The following FMN1 variants were observed in gnomAD, a reference collection of about 807,000 sequenced individuals.
FMN1 encodes the protein formin-1.
Under a neutral mutation model 132.4 loss-of-function variants are expected in FMN1, and 110 were observed. The ratio of observed to expected loss-of-function variants is 0.83; its 90% CI spans 0.71 to 0.97. The LOEUF is 0.97. Among genes scored for constraint, FMN1 ranks in the 50% least tolerant of loss-of-function variants. FMN1 has a pLI of 0.00. For missense variants in FMN1, 1,792 were observed against 1,705.3 expected (o/e 1.05, Z -0.90); for synonymous variants, 722 against 651.7 (o/e 1.11, Z -1.64).
chr15:33,055,623 CAAAAA>C (rs930464527), intron 6 of FMN1, among the ~76,000 whole-genome samples: 1 of 148,900 alleles, frequency 6.7e-6, no homozygotes, highest in African/African-American at 2.5e-5. Flanking sequence ...AAAAAACAAA[CAAAAA>C]AATCAACGCC....
chr15:33,088,538 G>A (rs1483497141), intron 5 of FMN1, among the ~76,000 whole-genome samples: 1 of 152,152 alleles, frequency 6.6e-6, no homozygotes, highest in Non-Finnish European at 1.5e-5. Context: ...AGGCTGCAAA[G>A]CTAATGAACA....
intron 9 of FMN1, among the ~76,000 whole-genome samples, chr15:32,932,201 C>T (rs2061137768): frequency 6.6e-6 from 1 of 152,076 alleles, no homozygotes; most frequent in Non-Finnish European, 1.5e-5. Flanking sequence ...GAGTTAGAGA[C>T]CAGCCTGGCC....
At chr15:32,915,521 A>G (rs1224335821) in intron 10 of FMN1, among the ~76,000 whole-genome samples, 1 of 152,202 alleles carries the variant, frequency 6.6e-6, no homozygotes, top group African/African-American at 2.4e-5. Flanking sequence ...GAAAACACTC[A>G]CTTTCTGTCT....
intron 4 of FMN1, among the ~76,000 whole-genome samples, chr15:33,117,583 G>A (rs12916976): frequency 0.1 from 15,322 of 152,194 alleles, 850 homozygotes; most frequent in Middle Eastern, 0.16. Context: ...TAAACTTACG[G>A]AGTCCACTTC....
intron 17 of FMN1, among the ~76,000 whole-genome samples, chr15:32,805,856 CTT>C (rs151126065): frequency 0.025 from 3,834 of 152,242 alleles, 168 homozygotes; most frequent in African/African-American, 0.087. Flanking sequence ...CCCATGGACT[CTT>C]GTCAGAATAA....
chr15:32,878,479 G>C (rs933652717), intron 16 of FMN1, among the ~76,000 whole-genome samples: 1 of 152,152 alleles, frequency 6.6e-6, no homozygotes, highest in Non-Finnish European at 1.5e-5. Context: ...AAAAGCAGTA[G>C]GTGTGGAGAT....
At chr15:33,078,952 A>C (rs1171170475) in intron 5 of FMN1, among the ~76,000 whole-genome samples, 1 of 152,186 alleles carries the variant, frequency 6.6e-6, no homozygotes, top group Non-Finnish European at 1.5e-5. Context: ...GAGACAGAAA[A>C]ATGAGGGTAA....
intron 6 of FMN1, among the ~76,000 whole-genome samples, chr15:33,053,658 A>G (rs1466865173): frequency 2.0e-5 from 3 of 152,110 alleles, no homozygotes; most frequent in Admixed American, 6.5e-5. Flanking sequence ...AATTTCCTGG[A>G]AAAGACTCAC....
intron 5 of FMN1, among the ~76,000 whole-genome samples, chr15:33,068,682 A>T (rs1288225900): frequency 6.6e-6 from 1 of 151,892 alleles, no homozygotes; most frequent in Admixed American, 6.6e-5. Context: ...TGGAATGCAG[A>T]TTTTAGCTCC....
rs561720278 is a variant in FMN1 at position 33,046,056 on chromosome 15, G to A, written c.2161+18901C>T. Among the ~76,000 whole-genome samples the A allele has an allele frequency of 3.3e-5, 5 of 152,056 alleles. No individual in the cohort carries two copies. The South Asian group carries it at 8.3e-4, about 25-fold the overall frequency. Reference sequence around the variant, plus strand: ...GCCTTGCTGAAATGGTATTAGCTAAGATTTTAATTTATTATTACTGTTATA... The same window carrying A: ...GCCTTGCTGAAATGGTATTAGCTAAAATTTTAATTTATTATTACTGTTATA... On this transcript the variant is annotated intron_variant, in intron 6 of 20. Coordinates refer to ENST00000616417, the MANE Select transcript of FMN1 (RefSeq NM_001277313.2).
At chr15:33,168,531 C>A (rs777347994) in intron 3 of FMN1, among the ~76,000 whole-genome samples, 1 of 152,170 alleles carries the variant, frequency 6.6e-6, no homozygotes, top group East Asian at 1.9e-4. Flanking sequence ...TCCCACAATA[C>A]CCCAGAGAGA....
intron 17 of FMN1, among the ~76,000 whole-genome samples, chr15:32,845,189 T>A (rs1392194035): frequency 1.3e-5 from 2 of 152,216 alleles, no homozygotes; most frequent in African/African-American, 4.8e-5. Flanking sequence ...GCCATAGTTG[T>A]CAAGAATCCA....
chr15:32,912,178 A>G (rs995504407), intron 10 of FMN1, among the ~76,000 whole-genome samples: 3 of 152,248 alleles, frequency 2.0e-5, no homozygotes, highest in African/African-American at 7.2e-5. Flanking sequence ...CTAATGAGAA[A>G]GAGAATGACC....
intron 9 of FMN1, among the ~76,000 whole-genome samples, chr15:32,933,794 T>G (rs2061185381): frequency 6.6e-6 from 1 of 152,184 alleles, no homozygotes; most frequent in Non-Finnish European, 1.5e-5. Flanking sequence ...TTAGTTTAGC[T>G]AAGGATGTCA....
intron 6 of FMN1, among the ~76,000 whole-genome samples, chr15:33,029,909 G>C (rs1420561500): frequency 6.6e-6 from 1 of 152,208 alleles, no homozygotes; most frequent in Non-Finnish European, 1.5e-5. Flanking sequence ...TGTAATCCCA[G>C]CACTTTCGGA....
At chr15:33,188,049 C>T (rs756434257) in intron 2 of FMN1, among the ~76,000 whole-genome samples, 9 of 152,048 alleles carry the variant, frequency 5.9e-5, no homozygotes, top group Non-Finnish European at 1.3e-4. Flanking sequence ...AAAAAGTCAA[C>T]TTTGGCCGGG....
chr15:33,012,850 G>T, intron 6 of FMN1: 2 of 613,188 alleles, frequency 3.3e-6, no homozygotes, highest in Admixed American at 2.0e-5. Context: ...TGGCTATAAT[G>T]AATTTGGTAA....
At chr15:32,948,185 T>C (rs1237335887) in intron 9 of FMN1, among the ~76,000 whole-genome samples, 1 of 152,022 alleles carries the variant, frequency 6.6e-6, no homozygotes, top group Non-Finnish European at 1.5e-5. Context: ...ATCTTTCAAT[T>C]ATATAGTTCC....
rs904998781 is a variant in FMN1 at position 32,994,232 on chromosome 15, T to TCTCTCACA, written c.2223+13781_2223+13782insTGTGAGAG. 1.3e-4 allele frequency among the ~76,000 whole-genome samples: 5 copies of TCTCTCACA among 37,266 alleles called. 1 individual carries two copies. The South Asian group carries it at 5.7e-3, about 42-fold the overall frequency. The allele number at this position is 37,266 out of a possible 152,430, so 24.4% of individuals were successfully genotyped here. ...TCATTCCTCTCTCTCTCTCTCTCTC[T>TCTCTCACA]CACACACACACACACACAGACACAC... On this transcript the variant is annotated intron_variant, in intron 7 of 20. Transcript: ENST00000616417.
Sources: gnomAD v4.1 joint callset for allele counts (sites outside exome capture counted in the v4.1 genomes callset) on GRCh38, gnomAD v4.1.1 for gene constraint, MANE v1.5 for transcripts, NCBI Gene and HGNC (gene_info 2026-07-23, HGNC 2026-07-21) for gene names.